CACNA1C: variants seen among roughly 807,000 people sequenced by gnomAD.
CACNA1C encodes the protein voltage-dependent L-type calcium channel subunit alpha-1C.
In CACNA1C, 30 loss-of-function variants were observed where a neutral mutation model predicts 229.0. The observed-to-expected ratio is 0.13, with a 90% confidence interval of 0.10 to 0.18. CACNA1C has a LOEUF of 0.18. Among genes scored for constraint, CACNA1C ranks in the 10% least tolerant of loss-of-function variants. CACNA1C has a pLI of 1.00. For missense variants in CACNA1C, 1,658 were observed against 2,845.0 expected, an observed-to-expected ratio of 0.58 and a Z score of 9.49; for synonymous variants, 1,114 against 1,132.5, an observed-to-expected ratio of 0.98 and a Z score of 0.33.
rs1049966432 is a variant in CACNA1C, at chr12:2,646,803, C to T, written c.3913-1672C>T. Reference sequence around the variant, plus strand: ...GAGAGAGAGAGAGTGTGTGTGTGCGCGTGTGTGTGTCTGCCTATGTTTGTC... The same window carrying T: ...GAGAGAGAGAGAGTGTGTGTGTGCGTGTGTGTGTGTCTGCCTATGTTTGTC... On this transcript the variant is annotated intron_variant, in intron 30 of 46. Transcript: ENST00000399655. The surrounding 1 kb of genome is among the most constrained non-coding windows in gnomAD (Gnocchi z 4.6). Among the ~76,000 whole-genome samples the T allele has an allele frequency of 6.6e-5, 10 of 151,132 alleles. No individual in the cohort carries two copies. Among genetic ancestry groups the T allele is most frequent in the Non-Finnish European group, 7.4e-5 (5 of 67,880 alleles).
At chr12:2,189,177 G>GGA (rs1367166197) in intron 3 of CACNA1C, among the ~76,000 whole-genome samples, 2 of 151,860 alleles carry the variant, frequency 1.3e-5, no homozygotes, top group Admixed American at 6.6e-5. Flanking sequence ...TGGGAGAAGT[G>GGA]GAGAACACTG....
intron 34 of CACNA1C, among the ~76,000 whole-genome samples, chr12:2,658,889 A>G (rs2095561015): frequency 6.6e-6 from 1 of 152,188 alleles, no homozygotes; most frequent in Non-Finnish European, 1.5e-5. Flanking sequence ...TTAAAAAAAC[A>G]TAAAATAAGG....
chr12:2,125,474 C>A (rs772904008), intron 3 of CACNA1C, among the ~76,000 whole-genome samples: 2 of 152,106 alleles, frequency 1.3e-5, no homozygotes, highest in African/African-American at 2.4e-5. Context: ...CTTGAGAAAT[C>A]CTCCATTAGT....
At chr12:2,366,712 C>T (rs1313370711) in intron 3 of CACNA1C, among the ~76,000 whole-genome samples, 2 of 152,170 alleles carry the variant, frequency 1.3e-5, no homozygotes, top group Admixed American at 6.5e-5. Context: ...TCTGTTCTCA[C>T]ACTGTTATAA....
At chr12:2,518,748 A>G (rs111260303) in intron 9 of CACNA1C, among the ~76,000 whole-genome samples, 2,625 of 152,244 alleles carry the variant, frequency 0.017, 94 homozygotes, top group African/African-American at 0.061. Context: ...AGACATGCCA[A>G]TATTTGTTTT....
At chr12:2,142,072 T>A (rs1327254116) in intron 3 of CACNA1C, among the ~76,000 whole-genome samples, 2 of 150,830 alleles carry the variant, frequency 1.3e-5, no homozygotes, top group Non-Finnish European at 3.0e-5. Flanking sequence ...CCTGGTCTGG[T>A]GGGGGACAGC....
chr12:2,099,721 C>T (rs2075601513), intron 1 of CACNA1C, among the ~76,000 whole-genome samples: 1 of 152,074 alleles, frequency 6.6e-6, no homozygotes, highest in Non-Finnish European at 1.5e-5. Flanking sequence ...ACGCCAGTGC[C>T]AGATTCTTGC....
intron 1 of CACNA1C, among the ~76,000 whole-genome samples, chr12:1,977,669 C>T (rs1471434269): frequency 6.6e-6 from 1 of 152,192 alleles, no homozygotes; most frequent in African/African-American, 2.4e-5. Context: ...ATCCATACCA[C>T]TGCCTTCTCA....
chr12:2,268,034 C>A (rs1283588977), intron 3 of CACNA1C, among the ~76,000 whole-genome samples: 1 of 152,174 alleles, frequency 6.6e-6, no homozygotes, highest in African/African-American at 2.4e-5. Flanking sequence ...TTTTTAGGTT[C>A]TTTGATTCTC....
At chr12:2,514,237 A>G (rs1233980814) in intron 9 of CACNA1C, among the ~76,000 whole-genome samples, 1 of 152,238 alleles carries the variant, frequency 6.6e-6, no homozygotes, top group African/African-American at 2.4e-5. Context: ...GGACGAAGAT[A>G]GCCAAAGATG....
chr12:2,001,123 TAA>T (rs2042112701), intron 1 of CACNA1C, among the ~76,000 whole-genome samples: 1 of 152,138 alleles, frequency 6.6e-6, no homozygotes, highest in Non-Finnish European at 1.5e-5. Context: ...GACACCTGGA[TAA>T]AAGAGACTTT....
At chr12:2,648,564 C>A in intron 31 of CACNA1C, 57 bp downstream of exon 31, 1 of 1,510,594 alleles carries the variant, frequency 6.6e-7, no homozygotes, top group Non-Finnish European at 9.2e-7. Context: ...CTAACACCCC[C>A]ACTCTCCCCA....
intron 3 of CACNA1C, among the ~76,000 whole-genome samples, chr12:2,291,651 A>T (rs1417938901): frequency 6.6e-6 from 1 of 152,232 alleles, no homozygotes; most frequent in Non-Finnish European, 1.5e-5. Flanking sequence ...GAGCAGAGCT[A>T]GAGGCCACTT....
At chr12:1,981,486 A>C (rs1385495658) in intron 1 of CACNA1C, among the ~76,000 whole-genome samples, 1 of 152,248 alleles carries the variant, frequency 6.6e-6, no homozygotes, top group Admixed American at 6.5e-5. Context: ...AAGCCAGGAC[A>C]AAATATTATA....
In CACNA1C at chr12:2,354,967, A is replaced by G. The variant is rs2097313037; in HGVS notation, c.478-94009A>G. On this transcript the variant is annotated intron_variant, in intron 3 of 46. Transcript: ENST00000399655. This position sits in a 1 kb window ranked among gnomAD's most constrained non-coding sequence, Gnocchi z 4.6. ...TGAGTGAAATGAAGCCAAATCCTGGAGGTGCAGGTGTGAGGATGGGTCTGG... is the reference window on the plus strand; with the variant it reads ...TGAGTGAAATGAAGCCAAATCCTGGGGGTGCAGGTGTGAGGATGGGTCTGG... Among the ~76,000 whole-genome samples the G allele has an allele frequency of 6.9e-6, 1 of 145,682 alleles. No individual in the cohort carries two copies. The highest frequency in any genetic ancestry group is 1.5e-5 in the Non-Finnish European group (1 of 66,172).
At chr12:2,540,426 A>C (rs528022994) in intron 9 of CACNA1C, among the ~76,000 whole-genome samples, 1 of 152,246 alleles carries the variant, frequency 6.6e-6, no homozygotes, top group African/African-American at 2.4e-5. Flanking sequence ...CACAGATGCG[A>C]ACTGGGCCTC....
intron 3 of CACNA1C, among the ~76,000 whole-genome samples, chr12:2,369,321 G>A (rs889793164): frequency 2.6e-5 from 4 of 152,028 alleles, no homozygotes; most frequent in African/African-American, 9.7e-5. Context: ...ATATGGTAAA[G>A]GAAGCAAAGA....
At chr12:2,446,908 G>A (rs1370228618) in intron 3 of CACNA1C, among the ~76,000 whole-genome samples, 3 of 152,144 alleles carry the variant, frequency 2.0e-5, no homozygotes, top group African/African-American at 7.2e-5. Context: ...GTGAATGGAA[G>A]TGTGAAAGCA....
In CACNA1C at chr12:2,633,371, G is replaced by A. The variant is rs1198016166; in HGVS notation, c.3829-926G>A. ...GGTGGGACGTGGACAGGGCCTCTGT[G>A]GAGAAGGGGTAGGGTGGGTGGATCT... On this transcript the variant is annotated intron_variant, in intron 29 of 46. Coordinates refer to ENST00000399655, the MANE Select transcript of CACNA1C (RefSeq NM_000719.7). The surrounding 1 kb of genome is among the most constrained non-coding windows in gnomAD (Gnocchi z 5.8). 6.6e-6 allele frequency among the ~76,000 whole-genome samples: 1 copy of A among 152,158 alleles called. No homozygotes were observed. The highest frequency in any genetic ancestry group is 1.9e-4 in the East Asian group (1 of 5,192).
Sources: allele counts gnomAD v4.1 joint callset (sites outside exome capture counted in the v4.1 genomes callset), GRCh38; gene constraint gnomAD v4.1.1; non-coding constraint Gnocchi (gnomAD v3.1); transcripts MANE v1.5; gene names NCBI Gene and HGNC (gene_info 2026-07-23, HGNC 2026-07-21).